HHAT: variants seen among roughly 807,000 people sequenced by gnomAD.
HHAT encodes protein-cysteine N-palmitoyltransferase HHAT.
HHAT carries 47 observed loss-of-function variants against 70.8 expected under a neutral mutation model. The ratio of observed to expected loss-of-function variants is 0.66; its 90% CI spans 0.53 to 0.85. The LOEUF (loss-of-function observed/expected upper bound fraction) is 0.85. Ranked by LOEUF, HHAT falls within the 40% of genes least tolerant of loss-of-function variation. HHAT has a pLI of 0.00. For synonymous variants in HHAT, 228 were observed against 247.6 expected (o/e 0.92, Z 0.74); for missense variants, 609 against 604.8 (o/e 1.01, Z -0.07).
At chr1:210,513,847 A>T (rs537313385) in intron 9 of HHAT, among the ~76,000 whole-genome samples, 1 of 152,372 alleles carries the variant, frequency 6.6e-6, no homozygotes, top group African/African-American at 2.4e-5. Context: ...ATGATCGTTA[A>T]AATGCTTGTC....
intron 8 of HHAT, among the ~76,000 whole-genome samples, chr1:210,474,456 T>A (rs2501904): frequency 0.17 from 25,335 of 152,048 alleles, 2,329 homozygotes; most frequent in East Asian, 0.43. Flanking sequence ...ATGCTTGGCA[T>A]ATTGAATTTT....
chr1:210,562,863 T>A (rs1321003860), intron 9 of HHAT, among the ~76,000 whole-genome samples: 1 of 137,336 alleles, frequency 7.3e-6, no homozygotes, highest in Admixed American at 8.2e-5. Context: ...TGTCCATGTG[T>A]TCTCATTGTT....
chr1:210,551,129 C>T (rs1045581685), intron 9 of HHAT, among the ~76,000 whole-genome samples: 1 of 148,970 alleles, frequency 6.7e-6, no homozygotes, highest in African/African-American at 2.5e-5. Flanking sequence ...CTCCATGTGG[C>T]TGGAATAATC....
Position 210,538,098 on chromosome 1 carries a change from A to G in HHAT, c.1043+24910A>G, listed in dbSNP as rs1361747128. 3.4e-5 allele frequency among the ~76,000 whole-genome samples: 5 copies of G among 149,046 alleles called. No individual in the cohort carries two copies. The South Asian group carries it at 6.3e-4, about 19-fold the overall frequency. ...GTATTTTTTTTTTTTGCTTTTCTCCATACAGACCTTTATGAGAATGGATTC... is the reference window on the plus strand; with the variant it reads ...GTATTTTTTTTTTTTGCTTTTCTCCGTACAGACCTTTATGAGAATGGATTC... On this transcript the variant is annotated intron_variant, in intron 9 of 11. Transcript: ENST00000261458.
At chr1:210,631,657 C>T (rs1427307057) in intron 11 of HHAT, among the ~76,000 whole-genome samples, 1 of 152,066 alleles carries the variant, frequency 6.6e-6, no homozygotes, top group Non-Finnish European at 1.5e-5. Flanking sequence ...CTCAGGGTGG[C>T]TGTCATAAGA....
At chr1:210,549,571 A>G (rs1342293613) in intron 9 of HHAT, among the ~76,000 whole-genome samples, 1 of 149,070 alleles carries the variant, frequency 6.7e-6, no homozygotes, top group Non-Finnish European at 1.5e-5. Context: ...GGGTCTGGTA[A>G]TAAGGAGACC....
chr1:210,522,825 C>T (rs920403971), intron 9 of HHAT, among the ~76,000 whole-genome samples: 18 of 151,818 alleles, frequency 1.2e-4, no homozygotes, highest in Admixed American at 3.3e-4. Context: ...AATCCTGGCA[C>T]GCTCTCTTTC....
intron 7 of HHAT, among the ~76,000 whole-genome samples, chr1:210,425,408 T>C (rs139768583): frequency 2.6e-5 from 4 of 152,320 alleles, no homozygotes; most frequent in African/African-American, 9.6e-5. Context: ...CGTCATGAAG[T>C]CTTTGTCCAT....
At chr1:210,353,487 C>T (rs1281257219) in intron 2 of HHAT, among the ~76,000 whole-genome samples, 3 of 141,206 alleles carry the variant, frequency 2.1e-5, no homozygotes, top group African/African-American at 8.0e-5. Flanking sequence ...AAGTCTTTGA[C>T]TATTTCAGTT....
intron 3 of HHAT, chr1:210,374,112 C>A (rs73071944): frequency 6.8e-6 from 1 of 147,190 alleles, no homozygotes; most frequent in Non-Finnish European, 1.5e-5. Context: ...AAAGTTGCAC[C>A]ATAATGTTTT....
intron 9 of HHAT, among the ~76,000 whole-genome samples, chr1:210,576,855 A>G (rs948109412): frequency 5.3e-5 from 8 of 152,048 alleles, no homozygotes; most frequent in Admixed American, 2.6e-4. Flanking sequence ...TCTTTCATCA[A>G]TGTTTTATGG....
chr1:210,430,041 A>C (rs1428274204), intron 7 of HHAT, among the ~76,000 whole-genome samples: 2 of 151,916 alleles, frequency 1.3e-5, no homozygotes, highest in Non-Finnish European at 2.9e-5. Flanking sequence ...GTTCCTCTTT[A>C]AACATCATTT....
chr1:210,523,265 G>C (rs1232884728), intron 9 of HHAT, among the ~76,000 whole-genome samples: 1 of 152,072 alleles, frequency 6.6e-6, no homozygotes, highest in Non-Finnish European at 1.5e-5. Context: ...ACCAAATGCT[G>C]TTTTTTGCCC....
intron 7 of HHAT, among the ~76,000 whole-genome samples, chr1:210,446,590 C>CTCCTCCCA (rs1342882834): frequency 6.6e-6 from 1 of 152,214 alleles, no homozygotes; most frequent in African/African-American, 2.4e-5. Flanking sequence ...CGTGACTCAT[C>CTCCTCCCA]TCCTCCCACC....
intron 10 of HHAT, among the ~76,000 whole-genome samples, chr1:210,623,302 G>A (rs1669221310): frequency 6.6e-6 from 1 of 152,136 alleles, no homozygotes; most frequent in Admixed American, 6.5e-5. Context: ...TTGAACTCCT[G>A]GGCCCAAGTG....
chr1:210,466,690 C>T (rs1258536189), intron 8 of HHAT, among the ~76,000 whole-genome samples: 1 of 152,210 alleles, frequency 6.6e-6, no homozygotes, highest in African/African-American at 2.4e-5. Flanking sequence ...AAATACCAAC[C>T]CACTGTGTCA....
chr1:210,673,364 A>AC (rs891989194), intron 11 of HHAT, among the ~76,000 whole-genome samples: 14 of 152,032 alleles, frequency 9.2e-5, no homozygotes, highest in Admixed American at 6.6e-4. Context: ...TAAAAAAAAA[A>AC]ACACACAACG....
chr1:210,338,745 C>T (rs2085738610), intron 1 of HHAT, among the ~76,000 whole-genome samples: 1 of 152,182 alleles, frequency 6.6e-6, no homozygotes, highest in Admixed American at 6.5e-5. Context: ...AGAGCCACCC[C>T]TGAAACCATA....
At chr1:210,550,323 A>C (rs1436103420) in intron 9 of HHAT, among the ~76,000 whole-genome samples, 2 of 149,254 alleles carry the variant, frequency 1.3e-5, no homozygotes, top group African/African-American at 5.0e-5. Context: ...ATGAAAGAGA[A>C]GAAATCTGTC....
Sources: allele counts gnomAD v4.1 joint callset (sites outside exome capture counted in the v4.1 genomes callset), GRCh38; gene constraint gnomAD v4.1.1; transcripts MANE v1.5; gene names NCBI Gene and HGNC (gene_info 2026-07-23, HGNC 2026-07-21).